GOLGA6L2: variants seen among roughly 807,000 people sequenced by gnomAD.
GOLGA6L2 encodes golgin subfamily A member 6-like protein 2.
In GOLGA6L2, 30 loss-of-function variants were observed where a neutral mutation model predicts 35.9. The observed-to-expected ratio is 0.83, with a 90% CI of 0.62 to 1.13. GOLGA6L2 has a LOEUF of 1.13. Among genes scored for constraint, GOLGA6L2 ranks in the 50% most tolerant of loss-of-function variants. The pLI is 0.00. For synonymous variants in GOLGA6L2, 297 were observed against 344.0 expected, an observed-to-expected ratio of 0.86 and a Z score of 1.51; for missense variants, 821 against 973.4, an observed-to-expected ratio of 0.84 and a Z score of 2.08.
Position 23,447,127 on chromosome 15 carries a change from G to C in GOLGA6L2, c.55C>G (p.Gln19Glu). ...TTCTTGGCCTCAGCCAATTTGTTCT[G>C]TCTGGTTTTTTCTGACATCATGGGG... ...PHPMMSEKTR[Q>E]NKLAEAKKKF... Residue 19 changes from glutamine (Q) to glutamate (E), a missense_variant, in exon 1 of 8, where the codon CAG (glutamine) becomes GAG (glutamate). Gln to Glu is a conservative substitution (Grantham distance 29). Around this residue, in one of 7 missense-constraint regions of GOLGA6L2, gnomAD observed 48 missense variants for 31.7 expected, o/e 1.51. Transcript: ENST00000567107. 1.3e-6 allele frequency: 2 copies of C among 1,579,950 alleles called. No individual in the cohort carries two copies. Among genetic ancestry groups the C allele is most frequent in the Middle Eastern group, 1.9e-4 (1 of 5,362 alleles).
Position 23,442,371 on chromosome 15 carries a change from C to T in GOLGA6L2, c.650+79G>A, listed in dbSNP as rs1266093786. 2.1e-6 allele frequency: 3 copies of T among 1,396,918 alleles called. No homozygotes were observed. In the South Asian group the frequency reaches 3.7e-5, roughly 17 times the overall value. 86.5% of individuals were successfully genotyped at this position (1,396,918 alleles called of 1,614,324 possible). The stretch of plus-strand genomic sequence containing the variant: ...AACCTGTATGACCCCCTACCATGCT[C>T]ACCTGTACCCCCCACCTCCCAGCAC... On this transcript the variant is annotated intron_variant, in intron 6 of 7. Coordinates refer to ENST00000567107, the MANE Select transcript of GOLGA6L2 (RefSeq NM_001304388.2).
At chr15:23,447,034 T>A in intron 1 of GOLGA6L2, 64 bp downstream of exon 1, 1 of 791,512 alleles carries the variant, frequency 1.3e-6, no homozygotes, top group Non-Finnish European at 2.1e-6. Context: ...TGGCAGATGT[T>A]CTGCCATGGG....
chr15:23,442,769 G>A (rs117739449), intron 5 of GOLGA6L2, among the ~76,000 whole-genome samples: 2,929 of 151,734 alleles, frequency 0.019, 44 homozygotes, highest in Non-Finnish European at 0.03. Context: ...GACAACCTCT[G>A]CCTCCCGGGT....
chr15:23,443,691 C>T (rs1380920068), intron 5 of GOLGA6L2, 86 bp downstream of exon 5: 8 of 1,068,964 alleles, frequency 7.5e-6, no homozygotes, highest in Non-Finnish European at 8.3e-6. Context: ...GGGCAGGACA[C>T]TGCATCCTGC....
At chr15:23,443,710 C>T in intron 5 of GOLGA6L2, 67 bp downstream of exon 5, 1 of 1,221,068 alleles carries the variant, frequency 8.2e-7, no homozygotes, top group Non-Finnish European at 1.2e-6. Flanking sequence ...GCAGGAGGGA[C>T]CTTTAGGCTC....
At chr15:23,446,285 T>G (rs1886782439) in intron 1 of GOLGA6L2, among the ~76,000 whole-genome samples, 1 of 152,050 alleles carries the variant, frequency 6.6e-6, no homozygotes, top group South Asian at 2.1e-4. Context: ...AGAGACAATG[T>G]CAACATTTTG....
At chr15:23,441,956 C>T (rs1218194968) in intron 7 of GOLGA6L2, 23 bp downstream of exon 7, 6 of 1,540,132 alleles carry the variant, frequency 3.9e-6, no homozygotes, top group Non-Finnish European at 5.2e-6. Context: ...TCTCCCACAA[C>T]CCCTGGGGCT....
rs1166015009 is a variant in GOLGA6L2 at position 23,445,613 on chromosome 15, G to T, written c.85-175C>A. Among the ~76,000 whole-genome samples, 4 of 152,120 alleles carry T rather than the reference G, an allele frequency of 2.6e-5. No individual in the cohort carries two copies. In the East Asian group the frequency reaches 5.8e-4, roughly 22 times the overall value. ...GATTGATACCATGGCTAAAAAAAAGGCAATAATGGAACTTAAACTCAGTCT... is the reference window on the plus strand; with the variant it reads ...GATTGATACCATGGCTAAAAAAAAGTCAATAATGGAACTTAAACTCAGTCT... On this transcript the variant is annotated intron_variant, in intron 1 of 7. Coordinates refer to ENST00000567107, the MANE Select transcript of GOLGA6L2 (RefSeq NM_001304388.2).
At chr15:23,446,053 C>T (rs1369255901) in intron 1 of GOLGA6L2, among the ~76,000 whole-genome samples, 3 of 152,278 alleles carry the variant, frequency 2.0e-5, no homozygotes, top group East Asian at 3.9e-4. Context: ...GGTTGAGATG[C>T]GATGAGGAAG....
chr15:23,442,166 G>A (rs1455025398), intron 6 of GOLGA6L2, 46 bp from the exon 7 acceptor site: 1 of 1,556,254 alleles, frequency 6.4e-7, no homozygotes, highest in Admixed American at 1.8e-5. Flanking sequence ...AGAACAGAAA[G>A]GACTGCTTTG....
chr15:23,442,142 A>T (rs1218750689), intron 6 of GOLGA6L2, 22 bp from the exon 7 acceptor site: 1 of 1,569,900 alleles, frequency 6.4e-7, no homozygotes, highest in Non-Finnish European at 8.6e-7. Flanking sequence ...GGCAGTAGAG[A>T]AAGGAATGAA....
intron 5 of GOLGA6L2, among the ~76,000 whole-genome samples, chr15:23,442,775 C>T (rs1019588108): frequency 1.1e-4 from 17 of 152,036 alleles, no homozygotes; most frequent in African/African-American, 2.9e-4. Flanking sequence ...CTCTGCCTCC[C>T]GGGTTCAAGC....
At position 23,442,478 on chromosome 15, in the gene GOLGA6L2, C is replaced by A. The variant is rs751339879; in HGVS notation, c.622G>T (p.Ala208Ser). 2.5e-6 allele frequency: 4 copies of A among 1,596,646 alleles called. No individual in the cohort carries two copies. Among genetic ancestry groups the A allele is most frequent in the African/African-American group, 1.3e-5 (1 of 74,714 alleles). ...TTCCTGTACAGTTCCAGACTCAGGG[C>A]GTCCCTCTCCTTTGTTAACTCCTCG... Reference protein sequence around the residue: ...YIEELTKERDALSLELYRNTI... With the variant: ...YIEELTKERDSLSLELYRNTI... Residue 208 changes from alanine (A) to serine (S), a missense_variant, in exon 6 of 8, where the codon GCC becomes TCC. Ala to Ser is a moderately conservative substitution (Grantham distance 99). Transcript: ENST00000567107.
Position 23,440,617 on chromosome 15 carries a change from T to A in GOLGA6L2, c.1858A>T (p.Met620Leu). The A allele has an allele frequency of 7.4e-7, 1 of 1,359,004 alleles. No individual in the cohort carries two copies. The highest frequency in any genetic ancestry group is 1.0e-6 in the Non-Finnish European group (1 of 990,314). 84.2% of individuals were successfully genotyped at this position (1,359,004 alleles called of 1,614,324 possible). Residue 620 changes from methionine (M) to leucine (L), a missense_variant, in exon 8 of 8, where the codon ATG becomes TTG. By Grantham distance (15) the Met-to-Leu change is conservative. Coordinates refer to ENST00000567107, the MANE Select transcript of GOLGA6L2 (RefSeq NM_001304388.2). ...EEDAGAGEED[M>L]GPGGEDARGG... ...CTCGCATCTTCTCCTCCTGGTCCCA[T>A]GTCTTCTTCTCCTGCTCCTGCGTCT...
chr15:23,446,882 G>A (rs751494549), intron 1 of GOLGA6L2, among the ~76,000 whole-genome samples: 27 of 151,952 alleles, frequency 1.8e-4, no homozygotes, highest in Middle Eastern at 3.2e-3. Flanking sequence ...AGGGTTCACC[G>A]GCTCAGTCAC....
At position 23,444,037 on chromosome 15, in the gene GOLGA6L2, T is replaced by C. The variant is rs2070729145; in HGVS notation, c.331A>G (p.Lys111Glu). 1.3e-6 allele frequency: 2 copies of C among 1,555,718 alleles called. No individual in the cohort carries two copies. The highest frequency in any genetic ancestry group is 1.9e-5 in the Admixed American group (1 of 52,760). ...TAGAGCGCTGTCTCCAGTTCAGTTTTCTGACACGTGAGAATTCGTATTGTA... is the reference window on the plus strand; with the variant it reads ...TAGAGCGCTGTCTCCAGTTCAGTTTCCTGACACGTGAGAATTCGTATTGTA... ...DHTIRILTCQ[K>E]TELETALYYS... The change falls in exon 5 of 8, where the codon AAA (lysine) becomes GAA (glutamate). Residue 111 changes from lysine (K) to glutamate (E), a missense_variant. By Grantham distance (56) the Lys-to-Glu change is moderately conservative. Around this residue, in one of 7 missense-constraint regions of GOLGA6L2, gnomAD observed 614 missense variants for 632.3 expected, o/e 0.97. Coordinates refer to ENST00000567107, the MANE Select transcript of GOLGA6L2 (RefSeq NM_001304388.2).
rs78405400 is a variant in GOLGA6L2, at chr15:23,440,269, G to A, written c.2206C>T (p.Arg736Ter). Residue 736 changes from arginine to a stop codon, truncating the protein, a stop_gained, in exon 8 of 8, where the codon CGA becomes TGA. Transcript: ENST00000567107. LOFTEE classifies it low-confidence loss of function (END_TRUNC). ...GPEGEDVGAGREAAGEGGENA... is the reference protein window; with the variant it reads ...GPEGEDVGAG The stretch of plus-strand genomic sequence containing the variant: ...TCTCCTCCTTCTCCCGCAGCCTCTC[G>A]TCCTGCTCCCACATCCTCTCCTTCT... 7 of 209,546 alleles carry A rather than the reference G, an allele frequency of 3.3e-5. 1 individual carries two copies. Among genetic ancestry groups the A allele is most frequent in the African/African-American group, 2.7e-4 (4 of 14,578 alleles). 13.0% of individuals were successfully genotyped at this position (209,546 alleles called of 1,614,324 possible). A position where few individuals can be genotyped will look rare whatever the true frequency, so the allele number is the denominator to read the frequency against.
chr15:23,439,902 T>G lies in GOLGA6L2; in HGVS notation c.2573A>C (p.Glu858Ala), dbSNP rs1481145624. ...PGGEDVGPGG[E>A]DVGAGGEDVG... ...ATCTTCTCCTCCTGCCCCCACATCT[T>G]CTCCTCCTGGCCCCACATCTTCTCC... Residue 858 changes from glutamate (E) to alanine (A), a missense_variant, in exon 8 of 8, where the codon GAA becomes GCA. Glu to Ala is a moderately radical substitution (Grantham distance 107). Transcript: ENST00000567107. The G allele has an allele frequency of 6.5e-7, 1 of 1,540,718 alleles. No homozygotes were observed. The highest frequency in any genetic ancestry group is 8.7e-7 in the Non-Finnish European group (1 of 1,145,086).
rs2070631060 is a variant in GOLGA6L2 at position 23,439,901 on chromosome 15, T to C, written c.2574A>G (p.Glu858=). 6.5e-7 allele frequency: 1 copy of C among 1,535,896 alleles called. No individual in the cohort carries two copies. Among genetic ancestry groups the C allele is most frequent in the African/African-American group, 1.4e-5 (1 of 69,198 alleles). The change falls in exon 8 of 8, where the codon GAA becomes GAG. Residue 858 remains glutamate, a synonymous_variant. Coordinates refer to ENST00000567107, the MANE Select transcript of GOLGA6L2 (RefSeq NM_001304388.2). The part of the protein sequence containing the change: ...PGGEDVGPGG[E]DVGAGGEDVG... ...CATCTTCTCCTCCTGCCCCCACATC[T>C]TCTCCTCCTGGCCCCACATCTTCTC...
Sources: gnomAD v4.1 joint callset for allele counts (sites outside exome capture counted in the v4.1 genomes callset) on GRCh38, gnomAD v4.1.1 for gene constraint, gnomAD v4.1.1 regional missense constraint, MANE v1.5 for transcripts, NCBI Gene and HGNC (gene_info 2026-07-23, HGNC 2026-07-21) for gene names.